The following TECPR1 variants were observed in gnomAD, a reference collection of about 807,000 sequenced individuals.
TECPR1 encodes tectonin beta-propeller repeat containing 1.
In TECPR1, 122 loss-of-function variants were observed where a neutral mutation model predicts 162.4. That is an observed-to-expected ratio of 0.75 (90% CI 0.65 to 0.87). The LOEUF is 0.87. Ranked by LOEUF, TECPR1 falls within the 40% of genes least tolerant of loss-of-function variation. The probability of loss-of-function intolerance (pLI) is 0.00; values close to 1 mark genes in which losing one functional copy is unlikely to be tolerated. For synonymous variants in TECPR1, 642 were observed against 670.6 expected (o/e 0.96, Z 0.66); for missense variants, 1,432 against 1,618.2 (o/e 0.88, Z 1.97).
At position 98,217,159 on chromosome 7, in the gene TECPR1, C is replaced by T. The variant is rs180891863; in HGVS notation, c.*231G>A. 6.2e-6 allele frequency: 3 copies of T among 483,774 alleles called. No individual in the cohort carries two copies. Among genetic ancestry groups the T allele is most frequent in the East Asian group, 3.4e-5 (1 of 29,442 alleles). The allele number at this position is 483,774 out of a possible 1,614,324, so 30.0% of individuals were successfully genotyped here. A position where few individuals can be genotyped will look rare whatever the true frequency, so the allele number is the denominator to read the frequency against. On this transcript the variant is annotated 3_prime_UTR_variant, in exon 26 of 26. Transcript: ENST00000447648. ...AGGTGCAGCCCCACCCCATGCCCCA[C>T]ACCCCGGGACTCCTCGCAGACGGGG...
Position 98,217,269 on chromosome 7 carries a change from G to A in TECPR1, c.*121C>T, listed in dbSNP as rs1798034132. ...GAAGTGGCCGCAGCCTTGGGGCCAG[G>A]TTCCCTCCTGAGTCCACCTGGGCCA... On this transcript the variant is annotated 3_prime_UTR_variant, in exon 26 of 26. Transcript: ENST00000447648. 7 of 694,436 alleles carry A rather than the reference G, an allele frequency of 1.0e-5. No individual in the cohort carries two copies. In the South Asian group the frequency reaches 1.3e-4, roughly 13 times the overall value. The allele number at this position is 694,436 out of a possible 1,614,324, so 43.0% of individuals were successfully genotyped here. A position where few individuals can be genotyped will look rare whatever the true frequency, so the allele number is the denominator to read the frequency against.
At chr7:98,231,529 T>G in intron 13 of TECPR1, 156 bp from the exon 14 acceptor site, 2 of 586,176 alleles carry the variant, frequency 3.4e-6, no homozygotes, top group Non-Finnish European at 5.2e-6. Flanking sequence ...TTCATTTCTT[T>G]ACCCCCTCCC....
chr7:98,238,894 C>T (rs901196477), intron 8 of TECPR1, among the ~76,000 whole-genome samples: 1 of 152,218 alleles, frequency 6.6e-6, no homozygotes, highest in African/African-American at 2.4e-5. Flanking sequence ...TCCAGCCTAA[C>T]GCTTGGAAAA....
chr7:98,232,049 C>G lies in TECPR1; in HGVS notation c.1819-90G>C, dbSNP rs565676747. 6.9e-7 allele frequency: 1 copy of G among 1,445,360 alleles called. No homozygotes were observed. Among genetic ancestry groups the G allele is most frequent in the Admixed American group, 2.0e-5 (1 of 49,558 alleles). The allele number at this position is 1,445,360 out of a possible 1,614,324, so 89.5% of individuals were successfully genotyped here. A position where few individuals can be genotyped will look rare whatever the true frequency, so the allele number is the denominator to read the frequency against. ...GGCTGGGGGTGCCCAGAGGAGGAGG[C>G]AGGGCTGGGGTAGGGCCCACCCAGC... On this transcript the variant is annotated intron_variant, in intron 12 of 25. Coordinates refer to ENST00000447648, the MANE Select transcript of TECPR1 (RefSeq NM_015395.3). This position sits in a 1 kb window ranked among gnomAD's most constrained non-coding sequence, Gnocchi z 4.6.
At chr7:98,218,233 G>A (rs1241119261) in intron 23 of TECPR1, among the ~76,000 whole-genome samples, 191 bp from the exon 24 acceptor site, 3 of 152,186 alleles carry the variant, frequency 2.0e-5, no homozygotes, top group African/African-American at 7.2e-5. Flanking sequence ...CAGGAGCCTG[G>A]GCTGCAGCCA....
chr7:98,247,473 T>C (rs958057122), intron 2 of TECPR1, among the ~76,000 whole-genome samples: 7 of 152,072 alleles, frequency 4.6e-5, no homozygotes, highest in Non-Finnish European at 1.0e-4. Flanking sequence ...CAATGAAAGC[T>C]TACAGGTTTA....
chr7:98,222,897 C>A lies in TECPR1; in HGVS notation c.2928+93G>T, dbSNP rs1181136590. ...CGGACCACAGGCAGTGTCCACTGGT[C>A]CTAGGGGCTTGTCCTGAGCAGGGTC... On this transcript the variant is annotated intron_variant, in intron 21 of 25. Transcript: ENST00000447648. 7 of 1,516,860 alleles carry A rather than the reference C, an allele frequency of 4.6e-6. No homozygotes were observed. In the Admixed American group the frequency reaches 1.3e-4, roughly 28 times the overall value. 94.0% of individuals were successfully genotyped at this position (1,516,860 alleles called of 1,614,324 possible). A position where few individuals can be genotyped will look rare whatever the true frequency, so the allele number is the denominator to read the frequency against.
intron 10 of TECPR1, among the ~76,000 whole-genome samples, chr7:98,235,827 C>CAAAAAA (rs765569294): frequency 5.5e-5 from 2 of 36,694 alleles, no homozygotes; most frequent in African/African-American, 1.4e-4. Flanking sequence ...GAGACTGTCT[C>CAAAAAA]AAAAAAAAAA....
intron 8 of TECPR1, among the ~76,000 whole-genome samples, chr7:98,240,444 G>A (rs375508850): frequency 3.9e-5 from 6 of 152,066 alleles, no homozygotes; most frequent in East Asian, 1.9e-4. Context: ...TTTTTGAGAC[G>A]GAGTCTTTCT....
At chr7:98,247,706 C>A (rs1229590540) in intron 2 of TECPR1, among the ~76,000 whole-genome samples, 1 of 152,004 alleles carries the variant, frequency 6.6e-6, no homozygotes, top group East Asian at 1.9e-4. Flanking sequence ...ATTCTCTACT[C>A]CTTTCTTTTT....
In TECPR1 at chr7:98,216,135, G is replaced by C. The variant is rs1406480293; in HGVS notation, c.*1255C>G. 1 of 152,308 alleles carries C rather than the reference G, an allele frequency of 6.6e-6. No individual in the cohort carries two copies. Among genetic ancestry groups the C allele is most frequent in the Admixed American group, 6.5e-5 (1 of 15,284 alleles). 9.4% of individuals were successfully genotyped at this position (152,308 alleles called of 1,614,324 possible). The stretch of plus-strand genomic sequence containing the variant: ...TGGGGCACAGAGGTAATAAAAAGCA[G>C]CTGAGAGACTGCGGGATGGGGTCGG... On this transcript the variant is annotated 3_prime_UTR_variant, in exon 26 of 26. Coordinates refer to ENST00000447648, the MANE Select transcript of TECPR1 (RefSeq NM_015395.3).
In TECPR1 at chr7:98,217,537, G is replaced by A. The variant is rs776511958; in HGVS notation, c.3385-34C>T. ...AGAGAGCTGTGTCACCAGGGGACTCGGGGACTCGAGGATCCTGGAGGGGAT... is the reference window on the plus strand; with the variant it reads ...AGAGAGCTGTGTCACCAGGGGACTCAGGGACTCGAGGATCCTGGAGGGGAT... On this transcript the variant is annotated intron_variant, in intron 25 of 25. Transcript: ENST00000447648. The A allele has an allele frequency of 2.0e-5, 29 of 1,459,822 alleles. No homozygotes were observed. The Admixed American group carries it at 2.2e-4, about 11-fold the overall frequency. 90.4% of individuals were successfully genotyped at this position (1,459,822 alleles called of 1,614,324 possible).
At chr7:98,229,015 G>C in intron 16 of TECPR1, 24 bp downstream of exon 16, 12 of 1,593,282 alleles carry the variant, frequency 7.5e-6, no homozygotes, top group Non-Finnish European at 1.0e-5. Context: ...GGAAGGCTCC[G>C]GGGGGGCTGT....
intron 3 of TECPR1, 35 bp from the exon 4 acceptor site, chr7:98,245,102 C>T: frequency 6.4e-7 from 1 of 1,554,202 alleles, no homozygotes; most frequent in Middle Eastern, 1.8e-4. Context: ...GCCTTGGACC[C>T]AAGCCTGCTG....
rs1307795373 is a variant in TECPR1 at position 98,232,272 on chromosome 7, A to G, written c.1819-313T>C. ...TCCGTGCCTGGCTTTGGTGTCACAG[A>G]GTGAGCCAGCGGCAGAGCTAGAACC... On this transcript the variant is annotated intron_variant, in intron 12 of 25. Transcript: ENST00000447648. The surrounding 1 kb of genome is among the most constrained non-coding windows in gnomAD (Gnocchi z 4.6). Among the ~76,000 whole-genome samples, 1 of 152,010 alleles carries G rather than the reference A, an allele frequency of 6.6e-6. No homozygotes were observed. Among genetic ancestry groups the G allele is most frequent in the Non-Finnish European group, 1.5e-5 (1 of 67,986 alleles).
chr7:98,245,089 GC>G, intron 3 of TECPR1, 22 bp from the exon 4 acceptor site: 1 of 1,560,662 alleles, frequency 6.4e-7, no homozygotes, highest in Non-Finnish European at 8.7e-7. Flanking sequence ...GGACACAGAG[GC>G]GGCCTTGGAC....
intron 16 of TECPR1, 24 bp downstream of exon 16, chr7:98,229,014 CG>C: frequency 5.0e-6 from 8 of 1,595,188 alleles, no homozygotes; most frequent in Non-Finnish European, 5.1e-6. Context: ...AGGAAGGCTC[CG>C]GGGGGGCTGT....
chr7:98,243,522 A>G lies in TECPR1; in HGVS notation c.602T>C (p.Ile201Thr). The change falls in exon 6 of 26, where the codon ATC becomes ACC. Residue 201 changes from isoleucine to threonine, a missense_variant. Physicochemically the swap from Ile to Thr is moderately conservative, Grantham distance 89. Transcript: ENST00000447648. ...FNDLSVGGWE[I>T]TEEPVGRLSV... is the part of the protein sequence containing the mutation. ...CAGGCGGCCCACAGGCTCCTCCGTG[A>G]TCTCCCAGCCCCCTACAGAGAGGTC... The G allele has an allele frequency of 6.2e-7, 1 of 1,612,638 alleles. No individual in the cohort carries two copies. The highest frequency in any genetic ancestry group is 8.5e-7 in the Non-Finnish European group (1 of 1,179,814).
rs1000879074 is a variant in TECPR1, at chr7:98,217,865, G to A, written c.3265-54C>T. 30 of 1,541,802 alleles carry A rather than the reference G, an allele frequency of 1.9e-5. No individual in the cohort carries two copies. In the African/African-American group the frequency reaches 3.3e-4, roughly 17 times the overall value. ...GCCCTACCTGCAGTGGGACGGCTGG[G>A]CATGGGATGGGGGAGACCAGAGAGG... is the stretch of plus-strand genomic sequence containing the variant. On this transcript the variant is annotated intron_variant, in intron 24 of 25. Transcript: ENST00000447648.
Sources: allele counts gnomAD v4.1 joint callset (sites outside exome capture counted in the v4.1 genomes callset), GRCh38; gene constraint gnomAD v4.1.1; non-coding constraint Gnocchi (gnomAD v3.1); transcripts MANE v1.5; gene names NCBI Gene and HGNC (gene_info 2026-07-23, HGNC 2026-07-21).